The following PEX5L variants were observed in gnomAD, a reference collection of about 807,000 sequenced individuals.
The protein encoded by PEX5L is peroxisomal biogenesis factor 5 like.
A neutral mutation model predicts 84.0 loss-of-function variants in PEX5L; 30 were observed. The observed-to-expected ratio is 0.36, with a 90% CI of 0.27 to 0.48. PEX5L has a LOEUF of 0.48. Among genes scored for constraint, PEX5L ranks in the 20% least tolerant of loss-of-function variants. The pLI, the probability that PEX5L is intolerant of heterozygous loss-of-function variation, is 0.99. For missense variants in PEX5L, 533 were observed against 754.6 expected, an observed-to-expected ratio of 0.71 and a Z score of 3.44; for synonymous variants, 270 against 283.1, an observed-to-expected ratio of 0.95 and a Z score of 0.46.
At chr3:180,035,979 G>C (rs1433450766) in intron 1 of PEX5L, among the ~76,000 whole-genome samples, 1 of 152,126 alleles carries the variant, frequency 6.6e-6, no homozygotes, top group Non-Finnish European at 1.5e-5. Flanking sequence ...ATAACAACCG[G>C]AGGCAGCACC....
intron 2 of PEX5L, among the ~76,000 whole-genome samples, chr3:179,905,474 C>T (rs1762858524): frequency 6.6e-6 from 1 of 152,010 alleles, no homozygotes; most frequent in Admixed American, 6.6e-5. Context: ...GGGGTTTCAC[C>T]GTGTTAGCCA....
At chr3:180,030,366 T>C (rs1791342077) in intron 1 of PEX5L, among the ~76,000 whole-genome samples, 1 of 152,182 alleles carries the variant, frequency 6.6e-6, no homozygotes, top group Admixed American at 6.5e-5. Context: ...AACTGGGTGC[T>C]AGATCCGGTA....
intron 2 of PEX5L, among the ~76,000 whole-genome samples, chr3:179,966,661 C>G (rs1366747115): frequency 3.3e-5 from 5 of 152,130 alleles, no homozygotes; most frequent in Admixed American, 3.3e-4. Context: ...CTTGAGGATC[C>G]ATTTTCACAA....
At chr3:179,835,838 A>G (rs1734741187) in intron 8 of PEX5L, among the ~76,000 whole-genome samples, 1 of 152,194 alleles carries the variant, frequency 6.6e-6, no homozygotes, top group Non-Finnish European at 1.5e-5. Flanking sequence ...TCAAAATTAG[A>G]TTTAAGTGGG....
chr3:180,030,432 A>C (rs1182587212), intron 1 of PEX5L, among the ~76,000 whole-genome samples: 2 of 152,194 alleles, frequency 1.3e-5, no homozygotes, highest in East Asian at 3.8e-4. Context: ...ACTTAACACC[A>C]GTTTTAACCC....
At chr3:179,996,413 C>A (rs930825433) in intron 1 of PEX5L, among the ~76,000 whole-genome samples, 1 of 152,092 alleles carries the variant, frequency 6.6e-6, no homozygotes, top group Admixed American at 6.6e-5. Context: ...AAAAAGGGTT[C>A]TAATAGTTTA....
chr3:179,875,447 T>C lies in PEX5L; in HGVS notation c.536A>G (p.Asp179Gly). ...ATTTCGATCTCCATGAAACTTAACA[T>C]CGTCCCATTTTTCCAGTTGTGTTTG... ...DIQTQLEKWD[D>G]VKFHGDRNTK... The change falls in exon 6 of 15, where the codon GAT (aspartate) becomes GGT (glycine). Residue 179 changes from aspartate (D) to glycine (G), a missense_variant. Asp to Gly is a moderately conservative substitution (Grantham distance 94). Coordinates refer to ENST00000467460, the MANE Select transcript of PEX5L (RefSeq NM_016559.3). The C allele has an allele frequency of 6.2e-7, 1 of 1,613,226 alleles. No homozygotes were observed. The highest frequency in any genetic ancestry group is 8.5e-7 in the Non-Finnish European group (1 of 1,179,640).
In PEX5L at chr3:179,971,670, T is replaced by C. The variant is rs756157114; in HGVS notation, c.22-5A>G. The C allele has an allele frequency of 8.8e-6, 14 of 1,595,714 alleles. No homozygotes were observed. The South Asian group carries it at 1.5e-4, about 17-fold the overall frequency. On this transcript the variant is annotated splice_polypyrimidine_tract_variant and splice_region_variant and intron_variant, in intron 1 of 14. Coordinates refer to ENST00000467460, the MANE Select transcript of PEX5L (RefSeq NM_016559.3). ...ATATCCTTGTTCTTTACTTTTCTTG[T>C]GAAAGAATAATTTTAAATGATCATT... is the stretch of plus-strand genomic sequence containing the variant.
chr3:179,900,581 G>T, intron 2 of PEX5L: 1 of 915,102 alleles, frequency 1.1e-6, no homozygotes, highest in Non-Finnish European at 1.7e-6. Flanking sequence ...GTCCTTTCAT[G>T]CTGAACTCTA....
chr3:179,796,849 G>C lies in PEX5L; in HGVS notation c.*4979C>G, dbSNP rs1229485573. ...AGTCCAGTTTCTCAAGGGACATTTA[G>C]CCCAAGCAGCTCAACTACCATACAA... On this transcript the variant is annotated 3_prime_UTR_variant, in exon 15 of 15. Transcript: ENST00000467460. The C allele has an allele frequency of 6.6e-6, 1 of 152,096 alleles. No individual in the cohort carries two copies. 9.4% of individuals were successfully genotyped at this position (152,096 alleles called of 1,614,324 possible).
chr3:179,956,873 G>A (rs62290484), intron 2 of PEX5L, among the ~76,000 whole-genome samples: 108,929 of 151,596 alleles, frequency 0.72, 39,724 homozygotes, highest in East Asian at 0.89. Context: ...AAGTCAGTAC[G>A]TATATGTCTA....
chr3:179,875,532 GAGCGGT>G, intron 5 of PEX5L, 55 bp from the exon 6 acceptor site: 3 of 1,319,758 alleles, frequency 2.3e-6, no homozygotes, highest in Non-Finnish European at 3.2e-6. Context: ...GGGGTAGGGG[GAGCGGT>G]GGCGGGGAGT....
chr3:179,891,250 A>C (rs1461553351), intron 3 of PEX5L, among the ~76,000 whole-genome samples: 2 of 152,158 alleles, frequency 1.3e-5, no homozygotes, highest in Non-Finnish European at 2.9e-5. Context: ...TGACTTCTAC[A>C]ACTAAGCTAC....
intron 8 of PEX5L, among the ~76,000 whole-genome samples, chr3:179,832,660 CT>C (rs1048529044): frequency 1.2e-4 from 18 of 151,958 alleles, no homozygotes; most frequent in Admixed American, 5.9e-4. Context: ...ACCTACCTAC[CT>C]ACCCACCAAC....
intron 7 of PEX5L, among the ~76,000 whole-genome samples, chr3:179,873,237 G>GA (rs1347156433): frequency 1.3e-5 from 2 of 152,042 alleles, no homozygotes; most frequent in Non-Finnish European, 2.9e-5. Context: ...TGATTTAACA[G>GA]AAAAAAATGA....
At chr3:179,892,950 A>T (rs930877026) in intron 3 of PEX5L, among the ~76,000 whole-genome samples, 1 of 152,212 alleles carries the variant, frequency 6.6e-6, no homozygotes, top group Non-Finnish European at 1.5e-5. Context: ...TAAATCACAG[A>T]TTCAAATCTT....
chr3:179,918,635 T>A (rs1768120099), intron 2 of PEX5L, among the ~76,000 whole-genome samples: 3 of 152,182 alleles, frequency 2.0e-5, no homozygotes. Flanking sequence ...TCTCTGTTCT[T>A]ATCTGTTAAA....
chr3:179,861,169 A>G (rs1745994902), intron 7 of PEX5L, among the ~76,000 whole-genome samples: 3 of 152,240 alleles, frequency 2.0e-5, no homozygotes, highest in Admixed American at 2.0e-4. Context: ...AGTATCTCCT[A>G]GCAGGCAGTA....
chr3:179,964,379 T>C (rs950135535), intron 2 of PEX5L, among the ~76,000 whole-genome samples: 3 of 152,102 alleles, frequency 2.0e-5, no homozygotes, highest in Non-Finnish European at 2.9e-5. Context: ...ATTCTGGACA[T>C]AGGATTGGGC....
Sources: allele counts gnomAD v4.1 joint callset (sites outside exome capture counted in the v4.1 genomes callset), GRCh38; gene constraint gnomAD v4.1.1; transcripts MANE v1.5; gene names NCBI Gene and HGNC (gene_info 2026-07-23, HGNC 2026-07-21).